RFX7: variants seen among roughly 807,000 people sequenced by gnomAD.
RFX7 encodes the protein regulatory factor X7.
In RFX7, 26 loss-of-function variants were observed where a neutral mutation model predicts 111.8. That is an observed-to-expected ratio of 0.23 (90% CI 0.17 to 0.32). The LOEUF (loss-of-function observed/expected upper bound fraction) is 0.32. RFX7 is among the 10% of genes least tolerant of loss of function. RFX7 has a pLI of 1.00. For synonymous variants in RFX7, 624 were observed against 624.4 expected (o/e 1.00, Z 0.01); for missense variants, 1,573 against 1,772.9 (o/e 0.89, Z 2.02).
intron 2 of RFX7, among the ~76,000 whole-genome samples, chr15:56,182,781 A>G (rs1238797692): frequency 5.3e-5 from 8 of 152,162 alleles, no homozygotes; most frequent in Admixed American, 2.0e-4. Context: ...TTTTTCTACA[A>G]ACGATACTGC....
intron 2 of RFX7, among the ~76,000 whole-genome samples, chr15:56,239,393 C>G (rs929781623): frequency 6.6e-6 from 1 of 151,818 alleles, no homozygotes; most frequent in Non-Finnish European, 1.5e-5. Context: ...CTCAGCCTCC[C>G]GAGTAGCCAG....
intron 3 of RFX7, among the ~76,000 whole-genome samples, chr15:56,145,083 A>G (rs892782343): frequency 1.4e-4 from 21 of 152,174 alleles, no homozygotes; most frequent in African/African-American, 5.1e-4. Flanking sequence ...AACAGTAGCT[A>G]TTTAGAGAAT....
intron 4 of RFX7, among the ~76,000 whole-genome samples, chr15:56,143,519 T>C (rs1436049257): frequency 2.6e-5 from 4 of 151,996 alleles, no homozygotes; most frequent in African/African-American, 9.7e-5. Context: ...GCCTGACATA[T>C]CCATTAAACA....
At position 56,095,427 on chromosome 15, in the gene RFX7, C is replaced by T. The variant is rs1230297036; in HGVS notation, c.2301G>A (p.Leu767=). ...KVKLEGSVFL[L]DSDSKSVGSF... ...TGCCAACTGACTTTGAATCACTGTC[C>T]AAGAGAAAGACACTTCCTTCAAGTT... The change falls in exon 10 of 10, where the codon TTG becomes TTA. Residue 767 remains leucine (L), a synonymous_variant. Coordinates refer to ENST00000559447, the MANE Select transcript of RFX7 (RefSeq NM_022841.7). The T allele has an allele frequency of 6.2e-6, 10 of 1,612,806 alleles. No homozygotes were observed. The highest frequency in any genetic ancestry group is 1.3e-5 in the African/African-American group (1 of 74,908).
At chr15:56,186,793 A>C (rs866492281) in intron 2 of RFX7, among the ~76,000 whole-genome samples, 1 of 152,144 alleles carries the variant, frequency 6.6e-6, no homozygotes, top group African/African-American at 2.4e-5. Context: ...TTCCACCACT[A>C]CAACCAATAA....
chr15:56,094,555 T>C lies in RFX7; in HGVS notation c.3173A>G (p.Asp1058Gly). 1 of 1,613,976 alleles carries C rather than the reference T, an allele frequency of 6.2e-7. No individual in the cohort carries two copies. Among genetic ancestry groups the C allele is most frequent in the Non-Finnish European group, 8.5e-7 (1 of 1,179,876 alleles). The change falls in exon 10 of 10, where the codon GAC becomes GGC. Residue 1058 changes from aspartate (D) to glycine (G), a missense_variant. Around this residue, in one of 7 missense-constraint regions of RFX7, gnomAD observed 32 missense variants for 67.7 expected, o/e 0.47. Coordinates refer to ENST00000559447, the MANE Select transcript of RFX7 (RefSeq NM_022841.7). ...PMQRPMATHPDKTKLEWMNNG... is the reference protein window; with the variant it reads ...PMQRPMATHPGKTKLEWMNNG... ...ATTCATCCATTCAAGCTTGGTTTTG[T>C]CAGGGTGTGTGGCCATGGGTCTTTG...
chr15:56,094,868 G>T lies in RFX7; in HGVS notation c.2860C>A (p.Pro954Thr), dbSNP rs1250841008. The stretch of plus-strand genomic sequence containing the variant: ...GGGGTTGGGGTTGGAGTAGGAGTGG[G>T]TGTGGGTGTGGGTGTGGGTGTGTGG... ...PIHTPTPTPT[P>T]TPTPTPTPTP... Residue 954 changes from proline to threonine, a missense_variant, in exon 10 of 10, where the codon CCC (proline) becomes ACC (threonine). Transcript: ENST00000559447. 2.0e-6 allele frequency: 3 copies of T among 1,534,732 alleles called. No individual in the cohort carries two copies. The African/African-American group carries it at 4.1e-5, about 21-fold the overall frequency.
chr15:56,093,121 A>G lies in RFX7; in HGVS notation c.*224T>C. The G allele has an allele frequency of 2.2e-6, 1 of 462,048 alleles. No homozygotes were observed. Among genetic ancestry groups the G allele is most frequent in the South Asian group, 5.1e-5 (1 of 19,688 alleles). 28.6% of individuals were successfully genotyped at this position (462,048 alleles called of 1,614,324 possible). A position where few individuals can be genotyped will look rare whatever the true frequency, so the allele number is the denominator to read the frequency against. On this transcript the variant is annotated 3_prime_UTR_variant, in exon 10 of 10. Transcript: ENST00000559447. Reference sequence around the variant, plus strand: ...AATGTGAATAAATGGGGCACATTATAAAATTTAAAACCTAATACTTGTTCT... The same window carrying G: ...AATGTGAATAAATGGGGCACATTATGAAATTTAAAACCTAATACTTGTTCT...
intron 2 of RFX7, among the ~76,000 whole-genome samples, chr15:56,201,756 C>A (rs183232800): frequency 6.6e-6 from 1 of 152,084 alleles, no homozygotes; most frequent in Non-Finnish European, 1.5e-5. Flanking sequence ...ACTGGCCGGG[C>A]GTGGTGGCTC....
chr15:56,096,360 G>C lies in RFX7; in HGVS notation c.1368C>G (p.Pro456=), dbSNP rs1164772077. ...AAGCGGGTACAACAGCAGTTTTGATGGGACTACTAGTAAAGAGGACAGTAG... is the reference window on the plus strand; with the variant it reads ...AAGCGGGTACAACAGCAGTTTTGATCGGACTACTAGTAAAGAGGACAGTAG... The part of the protein sequence containing the change: ...SPTTVLFTSS[P]IKTAVVPASH... The change falls in exon 10 of 10, where the codon CCC becomes CCG. Residue 456 remains proline (P), a synonymous_variant. Transcript: ENST00000559447. The C allele has an allele frequency of 6.2e-7, 1 of 1,613,938 alleles. No individual in the cohort carries two copies. The highest frequency in any genetic ancestry group is 1.7e-5 in the Admixed American group (1 of 60,010).
intron 2 of RFX7, among the ~76,000 whole-genome samples, chr15:56,233,740 G>A (rs1050821751): frequency 6.6e-6 from 1 of 152,184 alleles, no homozygotes; most frequent in Non-Finnish European, 1.5e-5. Context: ...TCGTGGTTGT[G>A]AAAGGCCAAG....
intron 2 of RFX7, among the ~76,000 whole-genome samples, chr15:56,188,920 C>G (rs2043070915): frequency 6.6e-6 from 1 of 152,102 alleles, no homozygotes; most frequent in South Asian, 2.1e-4. Flanking sequence ...GCAACCTCCA[C>G]CTCCGGGGTT....
Position 56,091,615 on chromosome 15 carries a change from A to G in RFX7, c.*1730T>C, listed in dbSNP as rs2041596353. The G allele has an allele frequency of 6.6e-6, 1 of 152,324 alleles. No homozygotes were observed. Among genetic ancestry groups the G allele is most frequent in the African/African-American group, 2.4e-5 (1 of 41,440 alleles). The allele number at this position is 152,324 out of a possible 1,614,324, so 9.4% of individuals were successfully genotyped here. On this transcript the variant is annotated 3_prime_UTR_variant, in exon 10 of 10. Transcript: ENST00000559447. ...AGAAATCACACAGTTTCCTTTGGGTATTGCATACTTTGGTGTGCAGTAGTG... is the reference window on the plus strand; with the variant it reads ...AGAAATCACACAGTTTCCTTTGGGTGTTGCATACTTTGGTGTGCAGTAGTG...
At chr15:56,103,042 C>G (rs1434100155) in intron 6 of RFX7, among the ~76,000 whole-genome samples, 1 of 151,474 alleles carries the variant, frequency 6.6e-6, no homozygotes. Flanking sequence ...TTTCTGTACT[C>G]TGGCTTTAAT....
chr15:56,227,584 C>A (rs1390529322), intron 2 of RFX7, among the ~76,000 whole-genome samples: 1 of 152,084 alleles, frequency 6.6e-6, no homozygotes, highest in Non-Finnish European at 1.5e-5. Flanking sequence ...TAATCCAAGT[C>A]CACTTTCAAA....
intron 2 of RFX7, among the ~76,000 whole-genome samples, chr15:56,229,010 C>T (rs1365110300): frequency 6.6e-6 from 1 of 152,152 alleles, no homozygotes; most frequent in South Asian, 2.1e-4. Context: ...CATAGCACTA[C>T]CATACACCTA....
At chr15:56,181,075 T>C (rs1160986652) in intron 2 of RFX7, among the ~76,000 whole-genome samples, 1 of 152,242 alleles carries the variant, frequency 6.6e-6, no homozygotes, top group Non-Finnish European at 1.5e-5. Flanking sequence ...TTTTTGAAGA[T>C]GACATTAGTC....
intron 2 of RFX7, among the ~76,000 whole-genome samples, chr15:56,210,620 C>T (rs907820673): frequency 1.3e-5 from 2 of 151,958 alleles, no homozygotes; most frequent in Admixed American, 6.6e-5. Context: ...TCCCCTCAGA[C>T]CACAGAGGAA....
chr15:56,113,638 C>G (rs1371461082), intron 5 of RFX7, among the ~76,000 whole-genome samples: 1 of 148,426 alleles, frequency 6.7e-6, no homozygotes, highest in South Asian at 2.2e-4. Context: ...ACATTCTGCA[C>G]ATGTATCCCG....
Sources: allele counts gnomAD v4.1 joint callset (sites outside exome capture counted in the v4.1 genomes callset), GRCh38; gene constraint gnomAD v4.1.1; regional missense constraint gnomAD v4.1.1; transcripts MANE v1.5; gene names NCBI Gene and HGNC (gene_info 2026-07-23, HGNC 2026-07-21).